NTM: variants seen among roughly 807,000 people sequenced by gnomAD.
The protein encoded by NTM is IgLON family member 2.
NTM carries 13 observed loss-of-function variants against 42.1 expected under a neutral mutation model. That is an observed-to-expected ratio of 0.31 (90% CI 0.20 to 0.49). The LOEUF (loss-of-function observed/expected upper bound fraction) is 0.49. NTM is among the 20% of genes least tolerant of loss of function. The probability of loss-of-function intolerance (pLI) is 0.99; values close to 1 mark genes in which losing one functional copy is unlikely to be tolerated. For missense variants in NTM, 373 were observed against 452.8 expected (o/e 0.82, Z 1.60); for synonymous variants, 187 against 179.2 (o/e 1.04, Z -0.35).
intron 2 of NTM, among the ~76,000 whole-genome samples, chr11:132,143,108 T>G (rs2069544705): frequency 6.6e-6 from 1 of 152,156 alleles, no homozygotes; most frequent in Non-Finnish European, 1.5e-5. Context: ...ACATATGGGT[T>G]ACAGGAAAGT....
intron 1 of NTM, among the ~76,000 whole-genome samples, chr11:131,863,690 T>A (rs1285841536): frequency 2.0e-5 from 3 of 152,162 alleles, no homozygotes; most frequent in Non-Finnish European, 4.4e-5. Flanking sequence ...AAGAGCGGGA[T>A]ATGGAGAAAC....
At chr11:131,926,374 T>C (rs1054489294) in intron 2 of NTM, among the ~76,000 whole-genome samples, 1 of 152,084 alleles carries the variant, frequency 6.6e-6, no homozygotes, top group African/African-American at 2.4e-5. Context: ...AAGTAAACTG[T>C]AGGTTAGGGG....
At chr11:131,658,579 C>T (rs887790470) in intron 1 of NTM, among the ~76,000 whole-genome samples, 1 of 152,202 alleles carries the variant, frequency 6.6e-6, no homozygotes, top group African/African-American at 2.4e-5. Flanking sequence ...GATTCAGCGA[C>T]CTCTCTTTCC....
intron 1 of NTM, among the ~76,000 whole-genome samples, chr11:131,866,613 G>A (rs79065452): frequency 1.3e-5 from 2 of 152,198 alleles, no homozygotes; most frequent in Admixed American, 6.5e-5. Context: ...AAATACCTGC[G>A]CCCTCCATGG....
intron 1 of NTM, among the ~76,000 whole-genome samples, chr11:131,713,608 C>T (rs1385260270): frequency 6.6e-6 from 1 of 152,118 alleles, no homozygotes; most frequent in Non-Finnish European, 1.5e-5. Context: ...TATGTTTATA[C>T]TACAAGTAGG....
At chr11:131,708,180 A>G (rs2076772883) in intron 1 of NTM, among the ~76,000 whole-genome samples, 1 of 152,164 alleles carries the variant, frequency 6.6e-6, no homozygotes, top group Non-Finnish European at 1.5e-5. Context: ...TTTAAGCAAT[A>G]TAACAAACCG....
At chr11:132,145,902 G>T (rs1170472423) in intron 2 of NTM, among the ~76,000 whole-genome samples, 9 of 152,168 alleles carry the variant, frequency 5.9e-5, no homozygotes, top group Non-Finnish European at 1.3e-4. Context: ...AGTATTGAAT[G>T]ACTTAGTGCA....
At chr11:132,275,389 T>C (rs1270962336) in intron 4 of NTM, among the ~76,000 whole-genome samples, 2 of 152,114 alleles carry the variant, frequency 1.3e-5, no homozygotes, top group Non-Finnish European at 2.9e-5. Flanking sequence ...CTTCCATCAA[T>C]GTATATATCA....
At chr11:131,597,507 T>G (rs957604675) in intron 1 of NTM, among the ~76,000 whole-genome samples, 1 of 152,138 alleles carries the variant, frequency 6.6e-6, no homozygotes, top group Admixed American at 6.5e-5. Flanking sequence ...TGGGCCAAGG[T>G]CCTCTTTTAT....
At chr11:131,884,695 T>C (rs1048552971) in intron 1 of NTM, among the ~76,000 whole-genome samples, 2 of 152,046 alleles carry the variant, frequency 1.3e-5, no homozygotes, top group African/African-American at 4.8e-5. Context: ...TCGGAAATCA[T>C]GGAAAGGGGG....
intron 1 of NTM, among the ~76,000 whole-genome samples, chr11:131,822,206 A>T (rs1328051079): frequency 6.6e-6 from 1 of 151,896 alleles, no homozygotes; most frequent in Non-Finnish European, 1.5e-5. Flanking sequence ...CTTTGTTTCC[A>T]TCTTTATCCA....
intron 1 of NTM, chr11:131,771,260 T>G (rs1309570264): frequency 1.3e-5 from 2 of 152,204 alleles, no homozygotes; most frequent in Non-Finnish European, 2.9e-5. Flanking sequence ...GCAGTTTGGT[T>G]TTTATGCAAT....
At chr11:131,911,765 C>G in intron 2 of NTM, 117 bp downstream of exon 2, 2 of 1,275,266 alleles carry the variant, frequency 1.6e-6, no homozygotes, top group Non-Finnish European at 2.2e-6. Context: ...CGCTGGTTCC[C>G]TGGGCTGCAC....
At chr11:131,840,161 T>C (rs1051710751) in intron 1 of NTM, among the ~76,000 whole-genome samples, 6 of 152,098 alleles carry the variant, frequency 3.9e-5, no homozygotes, top group African/African-American at 9.7e-5. Context: ...GACACATGCA[T>C]TGGGAAGTTG....
chr11:131,889,676 G>A (rs977188831), intron 1 of NTM, among the ~76,000 whole-genome samples: 18 of 152,276 alleles, frequency 1.2e-4, no homozygotes, highest in African/African-American at 4.3e-4. Flanking sequence ...CTCACCGCCT[G>A]TCACTTACAA....
At chr11:131,624,384 C>T (rs1178650875) in intron 1 of NTM, among the ~76,000 whole-genome samples, 6 of 152,252 alleles carry the variant, frequency 3.9e-5, no homozygotes, top group Admixed American at 2.6e-4. Context: ...ATCTGTAGAA[C>T]GGGCACAGCA....
intron 1 of NTM, among the ~76,000 whole-genome samples, chr11:131,768,793 A>G (rs950355986): frequency 1.3e-5 from 2 of 152,218 alleles, no homozygotes; most frequent in African/African-American, 4.8e-5. Flanking sequence ...GCTATAGCAA[A>G]AGTGGAAGCA....
intron 1 of NTM, among the ~76,000 whole-genome samples, chr11:131,638,394 C>T (rs1039777036): frequency 7.2e-5 from 11 of 151,862 alleles, no homozygotes; most frequent in Admixed American, 2.6e-4. Context: ...TGCTGAAACC[C>T]TGTCTCTACA....
chr11:131,801,778 C>A (rs1341489981), intron 1 of NTM, among the ~76,000 whole-genome samples: 4 of 152,084 alleles, frequency 2.6e-5, no homozygotes, highest in African/African-American at 7.2e-5. Flanking sequence ...CTTGCACAAA[C>A]CCGTGCTCTT....
Sources: allele counts gnomAD v4.1 joint callset (sites outside exome capture counted in the v4.1 genomes callset), GRCh38; gene constraint gnomAD v4.1.1; transcripts MANE v1.5; gene names NCBI Gene and HGNC (gene_info 2026-07-23, HGNC 2026-07-21).